Variants in WDR49 observed in about 807,000 individuals in gnomAD.
WDR49 encodes the protein cilia- and flagella-associated protein 337.
Under a neutral mutation model 119.5 loss-of-function variants are expected in WDR49, and 107 were observed. The observed-to-expected ratio is 0.90, with a 90% CI of 0.77 to 1.05. The LOEUF (loss-of-function observed/expected upper bound fraction) is 1.05. Among genes scored for constraint, WDR49 ranks in the 50% least tolerant of loss-of-function variants. WDR49 has a pLI of 0.00. For synonymous variants in WDR49, 425 were observed against 418.8 expected, an observed-to-expected ratio of 1.01 and a Z score of -0.18; for missense variants, 1,240 against 1,220.5, an observed-to-expected ratio of 1.02 and a Z score of -0.24.
At chr3:167,539,281 CCTT>C (rs1167640748) in intron 10 of WDR49, among the ~76,000 whole-genome samples, 3 of 152,108 alleles carry the variant, frequency 2.0e-5, no homozygotes, top group Non-Finnish European at 4.4e-5. Context: ...CTGAAGTACA[CCTT>C]CTTGTCCAAC....
At chr3:167,566,860 G>C (rs779640132) in intron 8 of WDR49, 195 of 686,226 alleles carry the variant, frequency 2.8e-4, no homozygotes, top group Non-Finnish European at 4.7e-4. Flanking sequence ...ATTATCATAA[G>C]GGTCTTCATT....
Position 167,531,210 on chromosome 3 carries a change from G to A in WDR49, c.2123C>T (p.Thr708Ile). 1 of 1,611,804 alleles carries A rather than the reference G, an allele frequency of 6.2e-7. No homozygotes were observed. Among genetic ancestry groups the A allele is most frequent in the Non-Finnish European group, 8.5e-7 (1 of 1,179,592 alleles). Residue 708 changes from threonine (T) to isoleucine (I), a missense_variant, in exon 13 of 19, where the codon ACC becomes ATC. Physicochemically the swap from Thr to Ile is moderately conservative, Grantham distance 89. Coordinates refer to ENST00000682715, the MANE Select transcript of WDR49 (RefSeq NM_001366157.1). The stretch of plus-strand genomic sequence containing the variant: ...AATCTCAAAGTTGCGGACTCCCGTG[G>A]TAGAATGGTCTGCCATGGGGTGGGA... ...QPSHPMADHS[T>I]TGVRNFEIDT...
At chr3:167,570,158 G>A (rs1441446437) in intron 8 of WDR49, among the ~76,000 whole-genome samples, 7 of 151,904 alleles carry the variant, frequency 4.6e-5, no homozygotes, top group Non-Finnish European at 1.5e-5. Flanking sequence ...GTCACTTGGT[G>A]CCCAGCAAAG....
chr3:167,490,166 G>A (rs1226965023), intron 18 of WDR49, among the ~76,000 whole-genome samples: 1 of 152,094 alleles, frequency 6.6e-6, no homozygotes, highest in African/African-American at 2.4e-5. Flanking sequence ...GAGAAAGAGT[G>A]GTGATGATTA....
intron 17 of WDR49, 23 bp from the exon 18 acceptor site, chr3:167,500,322 G>A (rs1252090461): frequency 6.2e-7 from 1 of 1,603,008 alleles, no homozygotes; most frequent in Non-Finnish European, 8.5e-7. Flanking sequence ...AGGTTTTAGA[G>A]GAAGACAGGG....
At chr3:167,657,058 A>C (rs547516274), upstream of WDR49, among the ~76,000 whole-genome samples, 1 of 152,304 alleles carries the variant, frequency 6.6e-6, no homozygotes, top group African/African-American at 2.4e-5. Flanking sequence ...ATCACAATTC[A>C]CAGTCCACAC....
At chr3:167,569,641 G>A (rs1293082970) in intron 8 of WDR49, among the ~76,000 whole-genome samples, 8 of 146,414 alleles carry the variant, frequency 5.5e-5, no homozygotes, top group Non-Finnish European at 8.9e-5. Flanking sequence ...AGGCTGCAGC[G>A]AGCCATGATC....
chr3:167,606,863 A>T (rs1716086117), intron 5 of WDR49, among the ~76,000 whole-genome samples: 1 of 152,222 alleles, frequency 6.6e-6, no homozygotes, highest in African/African-American at 2.4e-5. Flanking sequence ...TTAACAAGAG[A>T]AAAGCACAAA....
At chr3:167,567,712 T>C (rs753073518) in intron 8 of WDR49, among the ~76,000 whole-genome samples, 5 of 152,172 alleles carry the variant, frequency 3.3e-5, no homozygotes, top group Non-Finnish European at 5.9e-5. Flanking sequence ...AATTTAAAGA[T>C]GTCGTGTTTG....
At position 167,500,284 on chromosome 3, in the gene WDR49, A is replaced by C. The variant is rs771281013; in HGVS notation, c.2900T>G (p.Leu967Ter). The C allele has an allele frequency of 1.9e-6, 3 of 1,604,672 alleles. No homozygotes were observed. Among genetic ancestry groups the C allele is most frequent in the Non-Finnish European group, 2.5e-6 (3 of 1,176,938 alleles). Residue 967 changes from leucine to a stop codon, truncating the protein, a stop_gained, in exon 18 of 19, where the codon TTA becomes TGA. Coordinates refer to ENST00000682715, the MANE Select transcript of WDR49 (RefSeq NM_001366157.1). LOFTEE classifies it high-confidence loss of function. ...IKKSFSTFRSLNIGALEELPE... is the reference protein window; with the variant it reads ...IKKSFSTFRS ...CAGCTCTTCCAGGGCTCCAATGTTT[A>C]ATGACCTAAATGTACCTTCACAACA...
intron 2 of WDR49, 56 bp downstream of exon 2, chr3:167,653,205 T>C: frequency 1.3e-6 from 2 of 1,517,312 alleles, no homozygotes; most frequent in Non-Finnish European, 1.8e-6. Context: ...CTGTGTTTCA[T>C]TCTAGGCTCC....
chr3:167,635,040 G>A (rs974607110), intron 2 of WDR49, among the ~76,000 whole-genome samples: 8 of 151,406 alleles, frequency 5.3e-5, no homozygotes, highest in Admixed American at 5.3e-4. Flanking sequence ...ATATTTTATA[G>A]AGAAGACATA....
At chr3:167,524,030 C>T (rs1045680632) in intron 15 of WDR49, among the ~76,000 whole-genome samples, 47 of 152,152 alleles carry the variant, frequency 3.1e-4, no homozygotes, top group African/African-American at 1.0e-3. Flanking sequence ...AAAAGCATTC[C>T]TATTTCTCCA....
chr3:167,602,584 A>G (rs1368853717), intron 6 of WDR49, among the ~76,000 whole-genome samples: 2 of 151,934 alleles, frequency 1.3e-5, no homozygotes, highest in Non-Finnish European at 2.9e-5. Context: ...GAGGGGACAG[A>G]ATCCTTCTTC....
chr3:167,493,450 T>G (rs530709731), intron 18 of WDR49, among the ~76,000 whole-genome samples: 8 of 152,300 alleles, frequency 5.3e-5, no homozygotes, highest in Non-Finnish European at 7.4e-5. Context: ...TGTGGATAGT[T>G]TCTCCTGGAA....
intron 9 of WDR49, among the ~76,000 whole-genome samples, chr3:167,556,369 C>T (rs931442212): frequency 1.3e-5 from 2 of 152,168 alleles, no homozygotes; most frequent in Admixed American, 6.5e-5. Context: ...CTAGATTTCT[C>T]ATCCTCTACC....
At chr3:167,494,680 A>G (rs1751279286) in intron 18 of WDR49, among the ~76,000 whole-genome samples, 1 of 152,166 alleles carries the variant, frequency 6.6e-6, no homozygotes, top group African/African-American at 2.4e-5. Flanking sequence ...AGACTCTCTC[A>G]TGGGAAAGTA....
intron 2 of WDR49, among the ~76,000 whole-genome samples, chr3:167,635,920 T>G (rs1369557880): frequency 6.6e-6 from 1 of 151,664 alleles, no homozygotes; most frequent in Non-Finnish European, 1.5e-5. Flanking sequence ...AAGTGTCTGT[T>G]CCATGCCAAA....
At chr3:167,619,904 T>C (rs1423952637) in intron 5 of WDR49, among the ~76,000 whole-genome samples, 1 of 151,900 alleles carries the variant, frequency 6.6e-6, no homozygotes, top group Admixed American at 6.6e-5. Flanking sequence ...TTTTATAACA[T>C]AGTCTTATTA....
Sources: allele counts gnomAD v4.1 joint callset (sites outside exome capture counted in the v4.1 genomes callset), GRCh38; gene constraint gnomAD v4.1.1; transcripts MANE v1.5; gene names NCBI Gene and HGNC (gene_info 2026-07-23, HGNC 2026-07-21).